Variants in CORO7 observed in about 807,000 individuals in gnomAD.
CORO7 encodes coronin-7.
A neutral mutation model predicts 126.6 loss-of-function variants in CORO7; 107 were observed. The observed-to-expected ratio is 0.85, with a 90% confidence interval of 0.72 to 0.99. The LOEUF is 0.99. Ranked by LOEUF, CORO7 falls within the 50% of genes least tolerant of loss-of-function variation. CORO7 has a pLI of 0.00. For missense variants in CORO7, 1,314 were observed against 1,255.8 expected, an observed-to-expected ratio of 1.05 and a Z score of -0.70; for synonymous variants, 603 against 536.8, an observed-to-expected ratio of 1.12 and a Z score of -1.70.
rs1407310165 is a variant in CORO7 at position 4,364,912 on chromosome 16, A to G, written c.907T>C (p.Cys303Arg). The stretch of plus-strand genomic sequence containing the variant: ...CCACGCAGCACGCTCTCCAGGACAC[A>G]CTGGGTCACTGTTGAGGACACCATA... Reference protein sequence around the residue: ...QQPALSPVTQCVLESVLRGAA... With the variant: ...QQPALSPVTQRVLESVLRGAA... The change falls in exon 12 of 28, where the codon TGT becomes CGT. Residue 303 changes from cysteine (C) to arginine (R), a missense_variant. By Grantham distance (180) the Cys-to-Arg change is radical. Transcript: ENST00000251166. 1 of 1,610,252 alleles carries G rather than the reference A, an allele frequency of 6.2e-7. No homozygotes were observed. Among genetic ancestry groups the G allele is most frequent in the Non-Finnish European group, 8.5e-7 (1 of 1,178,938 alleles).
intron 9 of CORO7, chr16:4,382,894 ATC>A: frequency 6.6e-7 from 1 of 1,516,748 alleles, no homozygotes; most frequent in Non-Finnish European, 8.8e-7. Context: ...AAAGCCCTAC[ATC>A]TAAGCCAGAG....
chr16:4,404,412 C>T (rs1352183736), intron 6 of CORO7, among the ~76,000 whole-genome samples: 1 of 152,142 alleles, frequency 6.6e-6, no homozygotes, highest in Admixed American at 6.5e-5. Context: ...CTTTCCTCCT[C>T]CCACCTCCTC....
Position 4,364,645 on chromosome 16 carries a change from A to G in CORO7, c.1089T>C (p.Cys363=). The G allele has an allele frequency of 6.3e-7, 1 of 1,578,512 alleles. No individual in the cohort carries two copies. Among genetic ancestry groups the G allele is most frequent in the Non-Finnish European group, 8.6e-7 (1 of 1,163,038 alleles). ...AGCTATGGGGGTCGGTGGCAGGCAC[A>G]CAGCCGGCAGTGTCCGGGAACAGGT... is the stretch of plus-strand genomic sequence containing the variant. ...HEDLFPDTAG[C]VPATDPHSWW... Residue 363 remains cysteine (C), a synonymous_variant, in exon 13 of 28, where the codon TGT becomes TGC. Transcript: ENST00000251166.
rs538497679 is a variant in CORO7, at chr16:4,364,343, G to A, written c.1208C>T (p.Ala403Val). The change falls in exon 14 of 28, where the codon GCG (alanine) becomes GTG (valine). Residue 403 changes from alanine to valine, a missense_variant. Coordinates refer to ENST00000251166, the MANE Select transcript of CORO7 (RefSeq NM_024535.5). Reference protein sequence around the residue: ...PSFTSCLVPPAEPLPDTAQPA... With the variant: ...PSFTSCLVPPVEPLPDTAQPA... ...CTGGGCTGTGTCAGGGAGGGGCTCC[G>A]CAGGGGGCACCAGACAGGAAGTGAA... is the stretch of plus-strand genomic sequence containing the variant. 2.1e-5 allele frequency: 32 copies of A among 1,531,974 alleles called. No homozygotes were observed. The East Asian group carries it at 3.4e-4, about 16-fold the overall frequency. The allele number at this position is 1,531,974 out of a possible 1,614,324, so 94.9% of individuals were successfully genotyped here. A position where few individuals can be genotyped will look rare whatever the true frequency, so the allele number is the denominator to read the frequency against.
At chr16:4,375,622 G>T (rs1230851468) in intron 9 of CORO7, among the ~76,000 whole-genome samples, 1 of 152,218 alleles carries the variant, frequency 6.6e-6, no homozygotes, top group African/African-American at 2.4e-5. Context: ...CAAGTAGCTG[G>T]GACTACAGGC....
chr16:4,401,006 A>G (rs1567295655), intron 6 of CORO7, among the ~76,000 whole-genome samples: 2 of 152,276 alleles, frequency 1.3e-5, no homozygotes, highest in South Asian at 2.1e-4. Context: ...CAACCCAAAA[A>G]GAAATGCAGG....
At chr16:4,371,685 G>A (rs143399062) in intron 9 of CORO7, among the ~76,000 whole-genome samples, 1,819 of 152,366 alleles carry the variant, frequency 0.012, 34 homozygotes, top group African/African-American at 0.041. Context: ...CAGGTCAGGT[G>A]GCCGCAGGGT....
intron 1 of CORO7, 157 bp from the exon 2 acceptor site, chr16:4,413,561 A>C: frequency 3.1e-6 from 2 of 644,214 alleles, no homozygotes; most frequent in Non-Finnish European, 5.1e-6. Context: ...TTTTTGAGAC[A>C]GGGTCTCACT....
In CORO7 at chr16:4,416,458, C is replaced by T. The variant is rs1393476470; in HGVS notation, c.60+1G>A. On this transcript the variant is annotated splice_donor_variant, in intron 1 of 27. Coordinates refer to ENST00000251166, the MANE Select transcript of CORO7 (RefSeq NM_024535.5). LOFTEE classifies it high-confidence loss of function. ...GCGCCCGGTCCTCGGGCCGGACTCA[C>T]CTCGCGGCGGGGCGGCCGAGCCTCG... 7 of 1,573,520 alleles carry T rather than the reference C, an allele frequency of 4.4e-6. No individual in the cohort carries two copies. In the South Asian group the frequency reaches 6.9e-5, roughly 15 times the overall value.
intron 2 of CORO7, chr16:4,412,672 A>T (rs2056257636): frequency 1.9e-6 from 1 of 532,984 alleles, no homozygotes; most frequent in East Asian, 3.1e-5. Context: ...TCTCTTTTTA[A>T]CACGGGTCAT....
At position 4,360,748 on chromosome 16, in the gene CORO7, GGCCCCTCCTCACCGCTGGCCCT is replaced by G. The variant is rs1366544181; in HGVS notation, c.1917+173_1917+194del. On this transcript the variant is annotated intron_variant, in intron 19 of 27. Coordinates refer to ENST00000251166, the MANE Select transcript of CORO7 (RefSeq NM_024535.5). ...CCCCCCTTCTCCTCAATGCTAGCCCGGCCCCTCCTCACCGCTGGCCCTGCCCCTCCTCACCACTGGCCCCCCT... is the reference window on the plus strand; with the variant it reads ...CCCCCCTTCTCCTCAATGCTAGCCCGGCCCCTCCTCACCACTGGCCCCCCT... Among the ~76,000 whole-genome samples the G allele has an allele frequency of 8.0e-5, 6 of 75,098 alleles. No individual in the cohort carries two copies. The East Asian group carries it at 1.3e-3, about 17-fold the overall frequency. 49.3% of individuals were successfully genotyped at this position (75,098 alleles called of 152,430 possible). A position where few individuals can be genotyped will look rare whatever the true frequency, so the allele number is the denominator to read the frequency against.
At position 4,407,636 on chromosome 16, in the gene CORO7, G is replaced by A. The variant is rs1347360712; in HGVS notation, c.352C>T (p.Pro118Ser). The A allele has an allele frequency of 2.5e-6, 4 of 1,609,920 alleles. No individual in the cohort carries two copies. The highest frequency in any genetic ancestry group is 3.4e-6 in the Non-Finnish European group (4 of 1,178,592). Residue 118 changes from proline to serine, a missense_variant, in exon 5 of 28, where the codon CCC (proline) becomes TCC (serine). Pro to Ser is a moderately conservative substitution (Grantham distance 74). Transcript: ENST00000251166. ...TCCTCGGGGCCCAGCACCACCCCGG[G>A]TGCTGAGGGCAGGGCCTGGCCAGGC... is the stretch of plus-strand genomic sequence containing the variant. ...PGPGQALPSA[P>S]GVVLGPEDLP...
intron 9 of CORO7, chr16:4,381,760 G>A (rs1025670923): frequency 3.7e-6 from 6 of 1,602,532 alleles, no homozygotes; most frequent in East Asian, 4.5e-5. Flanking sequence ...GCTGCTGGCA[G>A]CTGCCCGCAA....
rs761650791 is a variant in CORO7 at position 4,388,025 on chromosome 16, GAGA to G, written c.743_745del (p.Phe248del). 1.9e-6 allele frequency: 3 copies of G among 1,613,068 alleles called. No individual in the cohort carries two copies. In the South Asian group the frequency reaches 3.3e-5, roughly 18 times the overall value. On this transcript the variant is annotated inframe_deletion, in exon 9 of 28. Coordinates refer to ENST00000251166, the MANE Select transcript of CORO7 (RefSeq NM_024535.5). ...CAAGGTGAGGGAGGCCAGGGCGCTGGAGAAGAACCGCGTGTCCCACAGCTTCAC... is the reference window on the plus strand; with the variant it reads ...CAAGGTGAGGGAGGCCAGGGCGCTGGAGAACCGCGTGTCCCACAGCTTCAC...
At chr16:4,396,156 T>C (rs2055583517) in intron 6 of CORO7, among the ~76,000 whole-genome samples, 1 of 152,176 alleles carries the variant, frequency 6.6e-6, no homozygotes, top group Middle Eastern at 3.2e-3. Context: ...CTTGGCTCAC[T>C]GCAACCTCTG....
At chr16:4,395,429 C>A in intron 6 of CORO7, 90 bp from the exon 7 acceptor site, 1 of 1,562,476 alleles carries the variant, frequency 6.4e-7, no homozygotes, top group South Asian at 1.1e-5. Context: ...CAACCCCCAG[C>A]TCTGAGCAGC....
chr16:4,370,314 A>G (rs2054481394), intron 9 of CORO7, among the ~76,000 whole-genome samples: 1 of 152,218 alleles, frequency 6.6e-6, no homozygotes, highest in Admixed American at 6.5e-5. Flanking sequence ...AAGTGAGTGG[A>G]CAGCTTGGCA....
chr16:4,364,846 A>G lies in CORO7; in HGVS notation c.973T>C (p.Cys325Arg). 1 of 1,612,136 alleles carries G rather than the reference A, an allele frequency of 6.2e-7. No individual in the cohort carries two copies. Among genetic ancestry groups the G allele is most frequent in the Non-Finnish European group, 8.5e-7 (1 of 1,179,846 alleles). Reference protein sequence around the residue: ...VPRQALAVMSCEVLRVLQLSD... With the variant: ...VPRQALAVMSREVLRVLQLSD... ...AGCTGTAGGACGCGGAGTACCTCGC[A>G]GCTCATGACGGCCAGCGCCTGCCGG... The change falls in exon 12 of 28, where the codon TGC (cysteine) becomes CGC (arginine). Residue 325 changes from cysteine to arginine, a missense_variant. Coordinates refer to ENST00000251166, the MANE Select transcript of CORO7 (RefSeq NM_024535.5).
At position 4,401,044 on chromosome 16, in the gene CORO7, G is replaced by A. The variant is rs555744993; in HGVS notation, c.564+4447C>T. Among the ~76,000 whole-genome samples the A allele has an allele frequency of 7.4e-4, 112 of 152,280 alleles. 1 individual carries two copies. In the South Asian group the frequency reaches 0.022, roughly 30 times the overall value. ...AAAACCAAGTGAATTCCCGCTCCAT[G>A]TGCAGCCCCTCCCTGAGAGATGAGT... On this transcript the variant is annotated intron_variant, in intron 6 of 27. Transcript: ENST00000251166.
Sources: gnomAD v4.1 joint callset for allele counts (sites outside exome capture counted in the v4.1 genomes callset) on GRCh38, gnomAD v4.1.1 for gene constraint, MANE v1.5 for transcripts, NCBI Gene and HGNC (gene_info 2026-07-23, HGNC 2026-07-21) for gene names.